The following GATM variants were observed in gnomAD, a reference collection of about 807,000 sequenced individuals.
GATM encodes glycine amidinotransferase, also known as glycine amidinotransferase, mitochondrial.
In GATM, 23 loss-of-function variants were observed where a neutral mutation model predicts 54.2. The ratio of observed to expected loss-of-function variants is 0.42; its 90% CI spans 0.31 to 0.60. The LOEUF (loss-of-function observed/expected upper bound fraction) is 0.60, where lower values mean the gene tolerates loss of function less well. Among genes scored for constraint, GATM ranks in the 20% least tolerant of loss-of-function variants. GATM has a pLI of 0.14. For missense variants in GATM, 401 were observed against 544.9 expected (o/e 0.74, Z 2.63); for synonymous variants, 168 against 183.1 (o/e 0.92, Z 0.67).
intron 1 of GATM, among the ~76,000 whole-genome samples, chr15:45,401,459 G>A (rs1251804386): frequency 6.6e-6 from 1 of 152,126 alleles, no homozygotes; most frequent in Non-Finnish European, 1.5e-5. Flanking sequence ...ATATCTTCTT[G>A]TCTTTGAGTA....
At chr15:45,374,826 G>A (rs190383615) in intron 2 of GATM, among the ~76,000 whole-genome samples, 181 of 152,268 alleles carry the variant, frequency 1.2e-3, no homozygotes, top group African/African-American at 3.4e-3. Flanking sequence ...TGAAGACCAC[G>A]ACAATGCTGT....
intron 3 of GATM, among the ~76,000 whole-genome samples, chr15:45,387,059 A>G (rs1889812491): frequency 1.3e-5 from 2 of 152,244 alleles, no homozygotes; most frequent in Admixed American, 1.3e-4. Context: ...AGGCTAAACT[A>G]GAAATATTCA....
Position 45,366,230 on chromosome 15 carries a change from A to T in GATM, c.814-20T>A. 2 of 1,613,878 alleles carry T rather than the reference A, an allele frequency of 1.2e-6. No homozygotes were observed. Among genetic ancestry groups the T allele is most frequent in the Non-Finnish European group, 1.7e-6 (2 of 1,179,774 alleles). ...TGTAACCTGAAAACAAAAGAAAGAC[A>T]TACGATCGATAAATATTTGGTTCTA... On this transcript the variant is annotated intron_variant, in intron 5 of 8. Transcript: ENST00000396659.
At chr15:45,369,801 C>A (rs964924793) in intron 2 of GATM, 1 of 435,726 alleles carries the variant, frequency 2.3e-6, no homozygotes, top group Non-Finnish European at 4.2e-6. Flanking sequence ...TACCTTCAGA[C>A]AGACTTGGAA....
chr15:45,398,058 CA>C (rs1057490520), intron 2 of GATM, among the ~76,000 whole-genome samples: 13 of 152,228 alleles, frequency 8.5e-5, no homozygotes, highest in African/African-American at 2.9e-4. Context: ...TTATTTCTTT[CA>C]AAGCAATTTT....
Position 45,376,679 on chromosome 15 carries a change from G to T in GATM, c.210C>A (p.Asn70Lys). Residue 70 changes from asparagine (N) to lysine (K), a missense_variant, in exon 2 of 9, where the codon AAC (asparagine) becomes AAA (lysine). Asn to Lys is a moderately conservative substitution (Grantham distance 94, BLOSUM62 0). Coordinates refer to ENST00000396659, the MANE Select transcript of GATM (RefSeq NM_001482.3). ...LPKDCPVSSY[N>K]EWDPLEEVIV... ...TCACTTCCTCTAAGGGGTCCCATTCGTTGTAAGAAGAGACAGGGCAGTCCT... is the reference window on the plus strand; with the variant it reads ...TCACTTCCTCTAAGGGGTCCCATTCTTTGTAAGAAGAGACAGGGCAGTCCT... The T allele has an allele frequency of 6.2e-7, 1 of 1,614,172 alleles. No homozygotes were observed. Among genetic ancestry groups the T allele is most frequent in the Non-Finnish European group, 8.5e-7 (1 of 1,180,032 alleles).
intron 8 of GATM, chr15:45,363,577 A>T: frequency 2.3e-6 from 1 of 434,598 alleles, no homozygotes; most frequent in Non-Finnish European, 4.1e-6. Flanking sequence ...TCTTATTTGA[A>T]GAAGGGCTGA....
At chr15:45,379,581 C>T (rs1396483695), upstream of GATM, 1 of 152,090 alleles carries the variant, frequency 6.6e-6, no homozygotes, top group African/African-American at 2.4e-5. Context: ...TCCTGAATTG[C>T]AGTCTTCTTA....
chr15:45,364,448 C>T (rs1320162574), intron 7 of GATM: 2 of 305,602 alleles, frequency 6.5e-6, no homozygotes, highest in East Asian at 1.5e-4. Context: ...GTGGAAAGAT[C>T]ACTTGAGCCC....
At position 45,368,784 on chromosome 15, in the gene GATM, G is replaced by A. The variant is rs935124762; in HGVS notation, c.485-524C>T. Among the ~76,000 whole-genome samples the A allele has an allele frequency of 2.0e-5, 3 of 149,904 alleles. No homozygotes were observed. The highest frequency in any genetic ancestry group is 3.0e-5 in the Non-Finnish European group (2 of 67,570). On this transcript the variant is annotated intron_variant, in intron 3 of 8. Transcript: ENST00000396659. This position sits in a 1 kb window ranked among gnomAD's most constrained non-coding sequence, Gnocchi z 5.1. ...GGGGAAGCCCAGAAAAAAAAGAAAA[G>A]AAAAAAAAGTGAAGGAATAAAGTCC... is the stretch of plus-strand genomic sequence containing the variant.
In GATM at chr15:45,361,776, C is replaced by A; in HGVS notation, c.*333G>T. The A allele has an allele frequency of 2.1e-6, 1 of 486,810 alleles. No homozygotes were observed. Among genetic ancestry groups the A allele is most frequent in the Non-Finnish European group, 3.6e-6 (1 of 279,024 alleles). The allele number at this position is 486,810 out of a possible 1,614,324, so 30.2% of individuals were successfully genotyped here. ...GATTAGGACCAACATTTCAAGCTGC[C>A]TTTTGGAAAGAAAATTAAAAACAGA... On this transcript the variant is annotated 3_prime_UTR_variant, in exon 9 of 9. Coordinates refer to ENST00000396659, the MANE Select transcript of GATM (RefSeq NM_001482.3).
intron 3 of GATM, chr15:45,396,243 G>C (rs1249856650): frequency 6.6e-6 from 1 of 152,176 alleles, no homozygotes; most frequent in African/African-American, 2.4e-5. Context: ...CTCTGGCTCA[G>C]TCCCCAAGAT....
At chr15:45,378,315 G>A (rs1218036421) in intron 1 of GATM, 70 bp downstream of exon 1, 2 of 1,253,808 alleles carry the variant, frequency 1.6e-6, no homozygotes, top group Non-Finnish European at 2.2e-6. Context: ...GGGAGCGAGC[G>A]AGTGCTCCAC....
upstream of GATM, chr15:45,378,563 C>A: frequency 1.2e-6 from 1 of 843,792 alleles, no homozygotes; most frequent in South Asian, 2.5e-5. Context: ...GCGCGGGGCC[C>A]GAGGCCTTTT....
chr15:45,375,796 G>A (rs1373766057), intron 2 of GATM, among the ~76,000 whole-genome samples: 2 of 152,022 alleles, frequency 1.3e-5, no homozygotes, highest in Admixed American at 6.6e-5. Flanking sequence ...AGTGGGGGTC[G>A]CCTAGCAAAG....
At chr15:45,366,015 T>C in intron 6 of GATM, 31 bp downstream of exon 6, 2 of 1,610,858 alleles carry the variant, frequency 1.2e-6, no homozygotes, top group Non-Finnish European at 1.7e-6. Context: ...TAGATTCTGT[T>C]GCTTTTCCAG....
rs755641205 is a variant in GATM at position 45,376,858 on chromosome 15, T to C, written c.70-39A>G. ...AGAAAAGATTATTGTATTGCATTGC[T>C]CTATCAGTACTTACAGAGAGGAGGA... On this transcript the variant is annotated intron_variant, in intron 1 of 8. Coordinates refer to ENST00000396659, the MANE Select transcript of GATM (RefSeq NM_001482.3). 10 of 1,537,758 alleles carry C rather than the reference T, an allele frequency of 6.5e-6. No homozygotes were observed. In the East Asian group the frequency reaches 1.9e-4, roughly 29 times the overall value.
At chr15:45,389,920 C>T (rs1889850082) in intron 3 of GATM, among the ~76,000 whole-genome samples, 1 of 151,592 alleles carries the variant, frequency 6.6e-6, no homozygotes, top group East Asian at 1.9e-4. Context: ...AGTGCAGTGG[C>T]GTGATCTCAG....
At chr15:45,379,237 A>G (rs1308534120), upstream of GATM, 1 of 152,122 alleles carries the variant, frequency 6.6e-6, no homozygotes. Context: ...TTTTGTTTCA[A>G]CTTGATCAGG....
Sources: gnomAD v4.1 joint callset for allele counts (sites outside exome capture counted in the v4.1 genomes callset) on GRCh38, gnomAD v4.1.1 for gene constraint, Gnocchi (gnomAD v3.1) non-coding constraint, MANE v1.5 for transcripts, NCBI Gene and HGNC (gene_info 2026-07-23, HGNC 2026-07-21) for gene names.